GRM7: variants seen among roughly 807,000 people sequenced by gnomAD.
GRM7 encodes the protein metabotropic glutamate receptor 7.
A neutral mutation model predicts 84.5 loss-of-function variants in GRM7; 35 were observed. The ratio of observed to expected loss-of-function variants is 0.41; its 90% confidence interval spans 0.32 to 0.55. GRM7 has a LOEUF of 0.55. GRM7 is among the 20% of genes least tolerant of loss of function. GRM7 has a pLI of 0.19. For synonymous variants in GRM7, 487 were observed against 455.1 expected (o/e 1.07, Z -0.89); for missense variants, 1,003 against 1,194.6 (o/e 0.84, Z 2.36).
intron 1 of GRM7, among the ~76,000 whole-genome samples, chr3:7,087,307 G>A (rs1698492675): frequency 6.6e-6 from 1 of 151,828 alleles, no homozygotes; most frequent in South Asian, 2.1e-4. Flanking sequence ...AGTACTTAAA[G>A]TTTTTGGATG....
chr3:7,296,939 T>C (rs1488694733), intron 2 of GRM7, among the ~76,000 whole-genome samples: 1 of 152,140 alleles, frequency 6.6e-6, no homozygotes, highest in African/African-American at 2.4e-5. Context: ...TTCACAATCA[T>C]GCTCTGCTAA....
chr3:7,461,473 C>G (rs1452872574), intron 6 of GRM7, 110 bp from the exon 7 acceptor site: 4 of 852,680 alleles, frequency 4.7e-6, no homozygotes, highest in Non-Finnish European at 7.5e-6. Context: ...AAGGGGATAT[C>G]TAGTAACTAC....
chr3:7,347,003 G>T (rs1278292751), intron 4 of GRM7, among the ~76,000 whole-genome samples: 1 of 152,138 alleles, frequency 6.6e-6, no homozygotes, highest in Non-Finnish European at 1.5e-5. Flanking sequence ...TGGTAAGGCA[G>T]ATTGGTTATG....
intron 2 of GRM7, among the ~76,000 whole-genome samples, chr3:7,297,824 T>G (rs1350894345): frequency 1.3e-5 from 2 of 152,172 alleles, no homozygotes; most frequent in Admixed American, 1.3e-4. Flanking sequence ...CTCTACCCTT[T>G]TCATCGATGC....
At chr3:7,413,638 C>G (rs941974207) in intron 4 of GRM7, among the ~76,000 whole-genome samples, 1 of 152,096 alleles carries the variant, frequency 6.6e-6, no homozygotes, top group Non-Finnish European at 1.5e-5. Flanking sequence ...CATTCCAATA[C>G]CTGAACACAT....
intron 1 of GRM7, among the ~76,000 whole-genome samples, chr3:6,903,078 A>G (rs911315677): frequency 2.0e-5 from 3 of 152,146 alleles, no homozygotes; most frequent in South Asian, 2.1e-4. Context: ...TATAATGCTT[A>G]TAAGTCTTAA....
At chr3:7,182,896 G>GTT (rs5846493) in intron 2 of GRM7, among the ~76,000 whole-genome samples, 3,175 of 110,660 alleles carry the variant, frequency 0.029, 103 homozygotes, top group African/African-American at 0.062. Context: ...ACGTGAAAGT[G>GTT]TTTTTTTTTT....
intron 1 of GRM7, among the ~76,000 whole-genome samples, chr3:6,905,825 A>T (rs2125010587): frequency 6.6e-6 from 1 of 152,236 alleles, no homozygotes; most frequent in African/African-American, 2.4e-5. Flanking sequence ...TTTGAGCTTC[A>T]TTGGGTGGTT....
At position 7,467,139 on chromosome 3, in the gene GRM7, G is replaced by A. The variant is rs13321932; in HGVS notation, c.1515+5417G>A. ...GAGTCGCTCTGTCGCCCGGGCTGGA[G>A]TGCAGTGGCGCGATCTTGGCTCACT... On this transcript the variant is annotated intron_variant, in intron 7 of 9. Coordinates refer to ENST00000357716, the MANE Select transcript of GRM7 (RefSeq NM_000844.4). Among the ~76,000 whole-genome samples the A allele has an allele frequency of 9.0e-3, 1,376 of 152,262 alleles. 20 individuals are homozygous for A. Among genetic ancestry groups the A allele is most frequent in the African/African-American group, 0.029 (1,213 of 41,522 alleles).
At chr3:6,918,225 A>G (rs1697007866) in intron 1 of GRM7, among the ~76,000 whole-genome samples, 1 of 152,198 alleles carries the variant, frequency 6.6e-6, no homozygotes. Context: ...CAAGGACTTC[A>G]TCACAGGAAT....
chr3:7,667,684 C>G (rs1186663073), intron 8 of GRM7, among the ~76,000 whole-genome samples: 1 of 152,034 alleles, frequency 6.6e-6, no homozygotes, highest in East Asian at 1.9e-4. Context: ...TGTGGAAAGA[C>G]AGCAATTTAC....
intron 1 of GRM7, among the ~76,000 whole-genome samples, chr3:6,899,108 G>A (rs554744340): frequency 1.3e-3 from 197 of 152,204 alleles, no homozygotes; most frequent in Non-Finnish European, 2.3e-3. Context: ...TAATGAAGTC[G>A]GAAAACACAT....
chr3:7,432,911 G>C (rs1034189683), intron 5 of GRM7, among the ~76,000 whole-genome samples: 3 of 152,114 alleles, frequency 2.0e-5, no homozygotes, highest in African/African-American at 7.2e-5. Flanking sequence ...ATCAGCCCTG[G>C]ATCCCAGAAG....
chr3:7,695,889 G>A (rs1394564915), intron 9 of GRM7, among the ~76,000 whole-genome samples: 1 of 152,122 alleles, frequency 6.6e-6, no homozygotes, highest in Non-Finnish European at 1.5e-5. Context: ...CCATACAGTA[G>A]CCACTGGATA....
intron 4 of GRM7, among the ~76,000 whole-genome samples, chr3:7,367,039 T>G (rs1693922659): frequency 6.6e-6 from 1 of 151,830 alleles, no homozygotes; most frequent in African/African-American, 2.4e-5. Flanking sequence ...AGTTATGTTC[T>G]CAATGGGTTA....
chr3:7,364,736 G>T (rs1693807986), intron 4 of GRM7, among the ~76,000 whole-genome samples: 2 of 151,852 alleles, frequency 1.3e-5, no homozygotes, highest in African/African-American at 4.8e-5. Context: ...TTTGTGGAAT[G>T]CTGTAATCCT....
At chr3:7,014,156 T>C (rs982729937) in intron 1 of GRM7, among the ~76,000 whole-genome samples, 1 of 152,158 alleles carries the variant, frequency 6.6e-6, no homozygotes, top group Non-Finnish European at 1.5e-5. Flanking sequence ...ATGATCATTG[T>C]CTGTTATTTT....
In GRM7 at chr3:7,093,201, A is replaced by G. The variant is rs541826041; in HGVS notation, c.520-53251A>G. Among the ~76,000 whole-genome samples the G allele has an allele frequency of 1.3e-5, 2 of 152,124 alleles. 1 individual carries two copies. The highest frequency in any genetic ancestry group is 1.3e-4 in the Admixed American group (2 of 15,278). On this transcript the variant is annotated intron_variant, in intron 1 of 9. Coordinates refer to ENST00000357716, the MANE Select transcript of GRM7 (RefSeq NM_000844.4). ...CTTGGAGACTTCAGGGAATTAAAAT[A>G]TGTACTTTAAATTTTCCAGTGAGGC...
chr3:7,205,473 A>G (rs1359729116), intron 2 of GRM7, among the ~76,000 whole-genome samples: 1 of 152,180 alleles, frequency 6.6e-6, no homozygotes, highest in Non-Finnish European at 1.5e-5. Context: ...GAAGCACATA[A>G]TTCATTCAGA....
Sources: allele counts gnomAD v4.1 joint callset (sites outside exome capture counted in the v4.1 genomes callset), GRCh38; gene constraint gnomAD v4.1.1; transcripts MANE v1.5; gene names NCBI Gene and HGNC (gene_info 2026-07-23, HGNC 2026-07-21).